Variants in INVS observed in about 807,000 individuals in gnomAD.
The protein encoded by INVS is inversion of embryo turning homolog.
A neutral mutation model predicts 108.8 loss-of-function variants in INVS; 86 were observed. The ratio of observed to expected loss-of-function variants is 0.79; its 90% CI spans 0.66 to 0.95. The LOEUF (loss-of-function observed/expected upper bound fraction) is 0.95, where lower values mean the gene tolerates loss of function less well. Among genes scored for constraint, INVS ranks in the 40% least tolerant of loss-of-function variants. INVS has a pLI of 0.00. For synonymous variants in INVS, 455 were observed against 473.5 expected (o/e 0.96, Z 0.51); for missense variants, 1,169 against 1,297.4 (o/e 0.90, Z 1.52).
intron 3 of INVS, among the ~76,000 whole-genome samples, chr9:100,192,829 A>G (rs1353241198): frequency 1.6e-4 from 24 of 152,146 alleles, no homozygotes; most frequent in Non-Finnish European, 4.4e-5. Context: ...CATATGCTTA[A>G]TAATAATTTA....
intron 3 of INVS, among the ~76,000 whole-genome samples, chr9:100,169,927 G>C (rs546923398): frequency 6.6e-6 from 1 of 152,080 alleles, no homozygotes; most frequent in African/African-American, 2.4e-5. Context: ...TATCTCATTG[G>C]GCCCTTCAAA....
At chr9:100,142,583 G>A (rs182690054) in intron 3 of INVS, among the ~76,000 whole-genome samples, 12 of 152,284 alleles carry the variant, frequency 7.9e-5, no homozygotes, top group Admixed American at 5.2e-4. Flanking sequence ...GTTGAAGTCC[G>A]TGCCAGGAAC....
intron 12 of INVS, among the ~76,000 whole-genome samples, chr9:100,280,234 T>G (rs1019542333): frequency 6.6e-6 from 1 of 152,176 alleles, no homozygotes; most frequent in Admixed American, 6.5e-5. Flanking sequence ...AGCAGCGTTG[T>G]GTCTTGTAAA....
At chr9:100,100,815 T>C (rs1826882154) in intron 1 of INVS, among the ~76,000 whole-genome samples, 1 of 49,014 alleles carries the variant, frequency 2.0e-5, no homozygotes, top group South Asian at 5.2e-4. Context: ...ATATATAATA[T>C]ATATAATATA....
intron 3 of INVS, among the ~76,000 whole-genome samples, chr9:100,209,928 A>T (rs1830787325): frequency 6.6e-6 from 1 of 152,144 alleles, no homozygotes; most frequent in Admixed American, 6.5e-5. Context: ...ATCCTCAGAC[A>T]TACTGTGTTT....
intron 3 of INVS, among the ~76,000 whole-genome samples, chr9:100,142,835 G>A (rs1201209562): frequency 6.6e-6 from 1 of 152,172 alleles, no homozygotes; most frequent in African/African-American, 2.4e-5. Context: ...GGACAGAAAG[G>A]CTATAGGACG....
intron 2 of INVS, among the ~76,000 whole-genome samples, chr9:100,125,305 A>G (rs1267145739): frequency 3.9e-5 from 6 of 152,110 alleles, no homozygotes; most frequent in Non-Finnish European, 1.5e-5. Context: ...AGTTTCTTTT[A>G]TTGTATGTGT....
At chr9:100,232,568 A>G (rs1045046975) in intron 5 of INVS, among the ~76,000 whole-genome samples, 16 of 152,352 alleles carry the variant, frequency 1.1e-4, no homozygotes, top group African/African-American at 3.6e-4. Flanking sequence ...AGCTTTCTGC[A>G]TATGGCCAGC....
intron 3 of INVS, among the ~76,000 whole-genome samples, chr9:100,218,214 T>C (rs1831049208): frequency 1.3e-5 from 2 of 152,178 alleles, no homozygotes; most frequent in Admixed American, 1.3e-4. Flanking sequence ...TGAACATTTA[T>C]ATATATATAG....
chr9:100,140,652 C>T (rs763393921), intron 3 of INVS, among the ~76,000 whole-genome samples: 14 of 151,810 alleles, frequency 9.2e-5, no homozygotes, highest in East Asian at 1.9e-4. Context: ...GTTGGGACAG[C>T]GAAAATTTTG....
intron 3 of INVS, among the ~76,000 whole-genome samples, chr9:100,193,818 T>A (rs557698828): frequency 6.6e-6 from 1 of 152,210 alleles, no homozygotes; most frequent in Non-Finnish European, 1.5e-5. Flanking sequence ...TATGGATATA[T>A]TACAAATTGT....
At chr9:100,158,373 C>A (rs1829068194) in intron 3 of INVS, among the ~76,000 whole-genome samples, 1 of 152,172 alleles carries the variant, frequency 6.6e-6, no homozygotes, top group African/African-American at 2.4e-5. Flanking sequence ...CACTTCAATT[C>A]TCTAAGTATA....
At chr9:100,181,775 C>T (rs1241098328) in intron 3 of INVS, among the ~76,000 whole-genome samples, 2 of 152,062 alleles carry the variant, frequency 1.3e-5, no homozygotes, top group African/African-American at 2.4e-5. Flanking sequence ...CTTTAAATTT[C>T]GTATGGAACC....
chr9:100,185,028 T>C (rs981394955), intron 3 of INVS, among the ~76,000 whole-genome samples: 1 of 152,172 alleles, frequency 6.6e-6, no homozygotes, highest in African/African-American at 2.4e-5. Flanking sequence ...GCACGAAAGA[T>C]GTAAATAGAT....
At chr9:100,132,915 G>A (rs1828094979) in intron 3 of INVS, among the ~76,000 whole-genome samples, 1 of 152,054 alleles carries the variant, frequency 6.6e-6, no homozygotes, top group African/African-American at 2.4e-5. Context: ...GACCAGCCTG[G>A]CCAACATGGT....
intron 3 of INVS, among the ~76,000 whole-genome samples, chr9:100,195,024 A>C (rs1830330535): frequency 6.6e-6 from 1 of 152,174 alleles, no homozygotes. Flanking sequence ...AGCACATTGG[A>C]ACCAGTGTGA....
intron 3 of INVS, among the ~76,000 whole-genome samples, chr9:100,213,180 T>C (rs775971341): frequency 6.1e-5 from 8 of 130,096 alleles, no homozygotes; most frequent in Non-Finnish European, 1.1e-4. Context: ...ACATTGGCGT[T>C]AGAATTTCAA....
intron 3 of INVS, among the ~76,000 whole-genome samples, chr9:100,180,629 A>G (rs1829860930): frequency 1.3e-5 from 2 of 152,216 alleles, no homozygotes; most frequent in South Asian, 4.1e-4. Flanking sequence ...AAATTGAGGC[A>G]GTAATTAATA....
At chr9:100,298,116 T>G in intron 16 of INVS, 106 bp downstream of exon 16, 1 of 1,581,876 alleles carries the variant, frequency 6.3e-7, no homozygotes, top group Non-Finnish European at 8.6e-7. Context: ...TGGCCAGGGT[T>G]TTCCAATGGT....
Sources: gnomAD v4.1 joint callset for allele counts (sites outside exome capture counted in the v4.1 genomes callset) on GRCh38, gnomAD v4.1.1 for gene constraint, MANE v1.5 for transcripts, NCBI Gene and HGNC (gene_info 2026-07-23, HGNC 2026-07-21) for gene names.